RUNX2: variants seen among roughly 807,000 people sequenced by gnomAD.
The protein encoded by RUNX2 is runt-related transcription factor 2.
RUNX2 carries 10 observed loss-of-function variants against 51.7 expected under a neutral mutation model. That is an observed-to-expected ratio of 0.19 (90% CI 0.12 to 0.33). The LOEUF (loss-of-function observed/expected upper bound fraction) is 0.33, where lower values mean the gene tolerates loss of function less well. Ranked by LOEUF, RUNX2 falls within the 10% of genes least tolerant of loss-of-function variation. RUNX2 has a pLI of 1.00. For synonymous variants in RUNX2, 276 were observed against 273.6 expected, an observed-to-expected ratio of 1.01 and a Z score of -0.09; for missense variants, 562 against 691.3, an observed-to-expected ratio of 0.81 and a Z score of 2.10.
intron 4 of RUNX2, among the ~76,000 whole-genome samples, chr6:45,433,916 A>G (rs1187225227): frequency 6.6e-6 from 1 of 152,162 alleles, no homozygotes; most frequent in Non-Finnish European, 1.5e-5. Flanking sequence ...TATGATCTTA[A>G]CTGAAGAAAG....
At chr6:45,417,144 A>G (rs1054130337) in intron 2 of RUNX2, among the ~76,000 whole-genome samples, 3 of 152,238 alleles carry the variant, frequency 2.0e-5, no homozygotes, top group Non-Finnish European at 1.5e-5. Flanking sequence ...AACTGTATAT[A>G]GGTCTTACGA....
Position 45,422,652 on chromosome 6 carries a change from A to C in RUNX2, c.118A>C (p.Ser40Arg). ...CAGCAGCCTGCAGCCCGGCAAAATG[A>C]GCGACGTGAGCCCGGTGGTGGCTGC... Reference protein sequence around the residue: ...PSSSLQPGKMSDVSPVVAAQQ... With the variant: ...PSSSLQPGKMRDVSPVVAAQQ... The change falls in exon 3 of 9, where the codon AGC (serine) becomes CGC (arginine). Residue 40 changes from serine (S) to arginine (R), a missense_variant. By Grantham distance (110) the Ser-to-Arg change is moderately radical (BLOSUM62 -1). This residue lies in a region of RUNX2 where 153 missense variants were observed against 144.8 expected (regional missense o/e 1.06). Transcript: ENST00000647337. 6.2e-7 allele frequency: 1 copy of C among 1,606,068 alleles called. No homozygotes were observed. Among genetic ancestry groups the C allele is most frequent in the Non-Finnish European group, 8.5e-7 (1 of 1,177,118 alleles).
intron 2 of RUNX2, among the ~76,000 whole-genome samples, chr6:45,403,248 T>TTTTTTTTTG (rs572753634): frequency 2.1e-5 from 3 of 144,650 alleles, no homozygotes; most frequent in South Asian, 2.3e-4. Flanking sequence ...TTTTTTTTTT[T>TTTTTTTTTG]TTGAGACGGA....
chr6:45,381,266 G>C (rs1004614965), intron 2 of RUNX2, among the ~76,000 whole-genome samples: 5 of 152,124 alleles, frequency 3.3e-5, no homozygotes, highest in Admixed American at 3.3e-4. Context: ...CCCAGTTTTT[G>C]TATCTGTGGA....
chr6:45,441,973 T>C (rs1227066476), intron 5 of RUNX2, among the ~76,000 whole-genome samples: 1 of 152,242 alleles, frequency 6.6e-6, no homozygotes, highest in African/African-American at 2.4e-5. Context: ...AAACAACTTC[T>C]TTTCTTAATA....
chr6:45,355,023 A>G (rs746752851), intron 2 of RUNX2, among the ~76,000 whole-genome samples: 2 of 152,060 alleles, frequency 1.3e-5, no homozygotes, highest in Non-Finnish European at 1.5e-5. Flanking sequence ...CACCCAGGCT[A>G]AAGTGCAGTG....
At chr6:45,437,816 T>A in intron 4 of RUNX2, 131 bp from the exon 5 acceptor site, 1 of 742,384 alleles carries the variant, frequency 1.3e-6, no homozygotes, top group Non-Finnish European at 2.4e-6. Context: ...GAAGAAGGAG[T>A]CCTGCCTCTT....
intron 2 of RUNX2, among the ~76,000 whole-genome samples, chr6:45,378,421 GA>G (rs1217670649): frequency 1.3e-5 from 2 of 152,174 alleles, no homozygotes; most frequent in Non-Finnish European, 2.9e-5. Context: ...ATGGTGAAGG[GA>G]AACGGAGGGG....
chr6:45,549,643 G>A lies in RUNX2; in HGVS notation c.*2338G>A, dbSNP rs1039502871. ...GCAGCACTTAAAAAAGCCAGTGTCT[G>A]GTTACACATTTCAATTTTAATTAAT... On this transcript the variant is annotated 3_prime_UTR_variant, in exon 9 of 9. Coordinates refer to ENST00000647337, the MANE Select transcript of RUNX2 (RefSeq NM_001024630.4). 5.7e-6 allele frequency: 2 copies of A among 347,964 alleles called. No individual in the cohort carries two copies. Among genetic ancestry groups the A allele is most frequent in the East Asian group, 8.6e-5 (2 of 23,174 alleles). 21.6% of individuals were successfully genotyped at this position (347,964 alleles called of 1,614,324 possible).
intron 2 of RUNX2, among the ~76,000 whole-genome samples, chr6:45,368,715 C>A (rs1404963706): frequency 6.6e-6 from 1 of 152,084 alleles, no homozygotes; most frequent in Non-Finnish European, 1.5e-5. Flanking sequence ...TTCTATATTG[C>A]TGAAGAAAAC....
chr6:45,442,911 A>G (rs1798880723), intron 5 of RUNX2, among the ~76,000 whole-genome samples: 1 of 151,982 alleles, frequency 6.6e-6, no homozygotes, highest in African/African-American at 2.4e-5. Flanking sequence ...CTCTTTCCAT[A>G]TAATCCTGGA....
intron 6 of RUNX2, among the ~76,000 whole-genome samples, chr6:45,503,485 T>G (rs550782113): frequency 6.6e-6 from 1 of 152,302 alleles, no homozygotes; most frequent in African/African-American, 2.4e-5. Flanking sequence ...GATGTTGACA[T>G]CAGCCTGATT....
chr6:45,439,325 C>A (rs1237158435), intron 5 of RUNX2, among the ~76,000 whole-genome samples: 1 of 152,170 alleles, frequency 6.6e-6, no homozygotes, highest in Non-Finnish European at 1.5e-5. Context: ...TAGGTGATTG[C>A]TGTACACATG....
intron 2 of RUNX2, among the ~76,000 whole-genome samples, chr6:45,339,025 T>G (rs367866460): frequency 5.9e-5 from 9 of 151,956 alleles, no homozygotes; most frequent in African/African-American, 1.7e-4. Flanking sequence ...TAAGGTAATA[T>G]AAGAAGAAAA....
At chr6:45,431,727 C>A in intron 3 of RUNX2, 136 bp from the exon 4 acceptor site, 1 of 987,566 alleles carries the variant, frequency 1.0e-6, no homozygotes, top group Non-Finnish European at 1.6e-6. Context: ...ACAGATGCTT[C>A]ATTCCTGTCG....
chr6:45,528,848 G>A (rs1477403595), intron 7 of RUNX2, among the ~76,000 whole-genome samples: 1 of 152,232 alleles, frequency 6.6e-6, no homozygotes, highest in Non-Finnish European at 1.5e-5. Flanking sequence ...CCTCCCTGTG[G>A]AGTCAGTACC....
chr6:45,329,730 T>A (rs1399603264), intron 2 of RUNX2, among the ~76,000 whole-genome samples: 1 of 151,916 alleles, frequency 6.6e-6, no homozygotes, highest in Non-Finnish European at 1.5e-5. Flanking sequence ...CATAATCTTG[T>A]CCCTTAATAT....
intron 5 of RUNX2, among the ~76,000 whole-genome samples, chr6:45,470,885 A>G (rs1218250637): frequency 6.6e-6 from 1 of 152,188 alleles, no homozygotes; most frequent in East Asian, 1.9e-4. Flanking sequence ...AAGTTTCCAT[A>G]GAAATTAAAC....
chr6:45,405,964 A>G (rs191729614), intron 2 of RUNX2, among the ~76,000 whole-genome samples: 135 of 152,300 alleles, frequency 8.9e-4, no homozygotes, highest in Non-Finnish European at 1.7e-3. Flanking sequence ...TATATTACCT[A>G]TTTCATACAG....
Sources: gnomAD v4.1 joint callset for allele counts (sites outside exome capture counted in the v4.1 genomes callset) on GRCh38, gnomAD v4.1.1 for gene constraint, gnomAD v4.1.1 regional missense constraint, MANE v1.5 for transcripts, NCBI Gene and HGNC (gene_info 2026-07-23, HGNC 2026-07-21) for gene names.